The following MACROD2 variants were observed in gnomAD, a reference collection of about 807,000 sequenced individuals.
MACROD2 encodes the protein ADP-ribose glycohydrolase MACROD2.
MACROD2 carries 36 observed loss-of-function variants against 70.4 expected under a neutral mutation model. The observed-to-expected ratio is 0.51, with a 90% CI of 0.39 to 0.68. The LOEUF (loss-of-function observed/expected upper bound fraction) is 0.68. Ranked by LOEUF, MACROD2 falls within the 30% of genes least tolerant of loss-of-function variation. MACROD2 has a pLI of 0.00. For synonymous variants in MACROD2, 172 were observed against 178.8 expected (o/e 0.96, Z 0.30); for missense variants, 496 against 538.4 (o/e 0.92, Z 0.78).
chr20:15,987,776 A>G (rs2147471955), intron 15 of MACROD2, among the ~76,000 whole-genome samples: 1 of 152,302 alleles, frequency 6.6e-6, no homozygotes, highest in East Asian at 1.9e-4. Flanking sequence ...AATATTTTTA[A>G]AAATGTGTTT....
At chr20:15,066,956 T>TA (rs2123097143) in intron 5 of MACROD2, among the ~76,000 whole-genome samples, 1 of 150,722 alleles carries the variant, frequency 6.6e-6, no homozygotes, top group East Asian at 1.9e-4. Flanking sequence ...ATTCGTGCAA[T>TA]ATGAATAACA....
chr20:15,680,236 A>G (rs906380948), intron 8 of MACROD2, among the ~76,000 whole-genome samples: 1 of 152,198 alleles, frequency 6.6e-6, no homozygotes, highest in South Asian at 2.1e-4. Context: ...CCAAAAGGGA[A>G]AAATTAGGTA....
At chr20:14,275,770 C>G (rs939933038) in intron 3 of MACROD2, among the ~76,000 whole-genome samples, 1 of 151,924 alleles carries the variant, frequency 6.6e-6, no homozygotes. Context: ...ACAATGAACT[C>G]AAACAAATTT....
intron 8 of MACROD2, among the ~76,000 whole-genome samples, chr20:15,763,899 T>C (rs1374955468): frequency 6.6e-6 from 1 of 152,242 alleles, no homozygotes; most frequent in Non-Finnish European, 1.5e-5. Context: ...TAGTTGGAAA[T>C]CTGTGAAACA....
At chr20:16,011,174 C>T (rs568611069) in intron 15 of MACROD2, among the ~76,000 whole-genome samples, 1 of 152,274 alleles carries the variant, frequency 6.6e-6, no homozygotes, top group South Asian at 2.1e-4. Context: ...TTCTGGCAGT[C>T]CTCTCCCTGT....
intron 6 of MACROD2, among the ~76,000 whole-genome samples, chr20:15,363,017 A>G (rs2078371340): frequency 6.6e-6 from 1 of 151,070 alleles, no homozygotes; most frequent in Admixed American, 6.6e-5. Flanking sequence ...GGAAGGGAGA[A>G]AGGGAGGAAG....
chr20:14,108,683 A>T (rs1354917597), intron 3 of MACROD2, among the ~76,000 whole-genome samples: 2 of 152,122 alleles, frequency 1.3e-5, no homozygotes, highest in Admixed American at 6.6e-5. Context: ...TTATATAATG[A>T]TAAAGGGGCC....
intron 5 of MACROD2, among the ~76,000 whole-genome samples, chr20:15,103,595 G>A (rs2075889446): frequency 1.3e-5 from 2 of 152,156 alleles, no homozygotes; most frequent in South Asian, 4.1e-4. Flanking sequence ...CTGCCTTAGG[G>A]ATACAGAGGT....
chr20:15,219,294 G>A (rs1381848197), intron 5 of MACROD2, among the ~76,000 whole-genome samples: 1 of 152,192 alleles, frequency 6.6e-6, no homozygotes, highest in African/African-American at 2.4e-5. Flanking sequence ...TAGCTCTAGT[G>A]CACAGTAAAC....
chr20:15,627,228 C>CA (rs33936061), intron 8 of MACROD2, among the ~76,000 whole-genome samples: 2,765 of 93,852 alleles, frequency 0.029, 39 homozygotes, highest in Middle Eastern at 0.071. Flanking sequence ...AAAAGATTAC[C>CA]AAAAAAAAAA....
At chr20:15,000,730 T>TTTG (rs1188399250) in intron 5 of MACROD2, among the ~76,000 whole-genome samples, 1 of 150,578 alleles carries the variant, frequency 6.6e-6, no homozygotes, top group Non-Finnish European at 1.5e-5. Flanking sequence ...ATTGGTCCAC[T>TTTG]TTGTTGTATG....
intron 8 of MACROD2, among the ~76,000 whole-genome samples, chr20:15,602,716 G>A (rs1233878985): frequency 1.3e-5 from 2 of 152,198 alleles, no homozygotes; most frequent in Admixed American, 6.5e-5. Context: ...GGTAAGAGAA[G>A]AGGAGTCTAG....
intron 8 of MACROD2, among the ~76,000 whole-genome samples, chr20:15,797,350 C>T (rs1037928572): frequency 1.3e-5 from 2 of 152,090 alleles, no homozygotes; most frequent in Non-Finnish European, 2.9e-5. Context: ...CTCCTGACCT[C>T]GTGATCCGCC....
intron 5 of MACROD2, among the ~76,000 whole-genome samples, chr20:14,971,903 C>A (rs2074695385): frequency 6.6e-6 from 1 of 152,194 alleles, no homozygotes; most frequent in South Asian, 2.1e-4. Flanking sequence ...ACCCAGGTAG[C>A]CTTTTCCTAT....
intron 5 of MACROD2, among the ~76,000 whole-genome samples, chr20:14,766,995 T>C (rs541794955): frequency 2.6e-4 from 39 of 152,250 alleles, no homozygotes; most frequent in African/African-American, 8.2e-4. Flanking sequence ...CTGATCTTCA[T>C]GGTTGGTCAC....
intron 3 of MACROD2, among the ~76,000 whole-genome samples, chr20:14,239,731 A>G (rs2081912228): frequency 6.6e-6 from 1 of 152,176 alleles, no homozygotes; most frequent in Non-Finnish European, 1.5e-5. Flanking sequence ...TATAAAAACC[A>G]TGGAAGGTAA....
At chr20:15,917,071 C>T (rs2065329787) in intron 10 of MACROD2, among the ~76,000 whole-genome samples, 1 of 152,154 alleles carries the variant, frequency 6.6e-6, no homozygotes, top group Admixed American at 6.5e-5. Context: ...ATGTAGTTTG[C>T]AGACCCCTGC....
At chr20:14,111,149 T>A (rs1466343039) in intron 3 of MACROD2, among the ~76,000 whole-genome samples, 1 of 152,016 alleles carries the variant, frequency 6.6e-6, no homozygotes, top group Non-Finnish European at 1.5e-5. Context: ...AAATTGATGC[T>A]GGGAAAAACT....
At chr20:15,675,393 A>G (rs978143665) in intron 8 of MACROD2, among the ~76,000 whole-genome samples, 1 of 152,214 alleles carries the variant, frequency 6.6e-6, no homozygotes, top group African/African-American at 2.4e-5. Context: ...CAAAGGTGTA[A>G]TAGCTACAAT....
Sources: gnomAD v4.1 joint callset for allele counts (sites outside exome capture counted in the v4.1 genomes callset) on GRCh38, gnomAD v4.1.1 for gene constraint, MANE v1.5 for transcripts, NCBI Gene and HGNC (gene_info 2026-07-23, HGNC 2026-07-21) for gene names.